Variants in ODR4 observed in about 807,000 individuals in gnomAD.
ODR4 encodes the protein odr-4 GPCR localization factor homolog, also known as protein odr-4 homolog.
A neutral mutation model predicts 60.2 loss-of-function variants in ODR4; 47 were observed. The ratio of observed to expected loss-of-function variants is 0.78; its 90% CI spans 0.62 to 1.00. The LOEUF is 1.00. Ranked by LOEUF, ODR4 falls within the 50% of genes least tolerant of loss-of-function variation. ODR4 has a pLI of 0.00. For missense variants in ODR4, 488 were observed against 530.8 expected (o/e 0.92, Z 0.79); for synonymous variants, 178 against 175.5 (o/e 1.01, Z -0.11).
the ODR4 span, among the ~76,000 whole-genome samples, chr1:186,429,391 G>T: frequency 1.3e-5 from 2 of 152,144 alleles, no homozygotes; most frequent in African/African-American, 4.8e-5. Flanking sequence ...CTTGCTTGAT[G>T]CAGGGTTGTA....
intron 9 of ODR4, among the ~76,000 whole-genome samples, chr1:186,394,601 A>T (rs1303257794): frequency 6.6e-6 from 1 of 152,230 alleles, no homozygotes; most frequent in African/African-American, 2.4e-5. Context: ...TATCCTAAAG[A>T]ACAGACAAGG....
intron 9 of ODR4, among the ~76,000 whole-genome samples, chr1:186,394,450 C>A (rs540982327): frequency 1.2e-4 from 18 of 152,166 alleles, no homozygotes; most frequent in African/African-American, 4.3e-4. Context: ...TATTAATTAG[C>A]AAGTTTTATA....
intron 4 of ODR4, among the ~76,000 whole-genome samples, chr1:186,386,658 A>G (rs1423939357): frequency 2.0e-5 from 3 of 152,210 alleles, no homozygotes; most frequent in Non-Finnish European, 2.9e-5. Flanking sequence ...ATTTCTGACT[A>G]TTAGGAAACA....
intron 1 of ODR4, among the ~76,000 whole-genome samples, chr1:186,378,225 A>G (rs1659867798): frequency 6.6e-6 from 1 of 152,206 alleles, no homozygotes; most frequent in Admixed American, 6.5e-5. Context: ...CTGGTATCAG[A>G]TATACCACCC....
At chr1:186,377,993 C>T (rs7530424) in intron 1 of ODR4, among the ~76,000 whole-genome samples, 2,582 of 151,582 alleles carry the variant, frequency 0.017, 82 homozygotes, top group African/African-American at 0.059. Flanking sequence ...TGCATTGAGC[C>T]GAGATCGCGC....
intron 11 of ODR4, chr1:186,401,015 G>A (rs761202895): frequency 7.0e-6 from 11 of 1,573,264 alleles, no homozygotes; most frequent in Non-Finnish European, 9.5e-6. Context: ...GTATATTATA[G>A]CTGCATTGCA....
intron 4 of ODR4, among the ~76,000 whole-genome samples, chr1:186,387,046 G>A (rs1490960827): frequency 6.6e-6 from 1 of 152,050 alleles, no homozygotes; most frequent in Non-Finnish European, 1.5e-5. Flanking sequence ...CCCAAAAGAG[G>A]GGGAACCTTA....
At chr1:186,412,404 A>G (rs1323727557) in intron 12 of ODR4, among the ~76,000 whole-genome samples, 1 of 152,160 alleles carries the variant, frequency 6.6e-6, no homozygotes, top group Non-Finnish European at 1.5e-5. Context: ...GAATACAAAT[A>G]AAAGTAGCTT....
At chr1:186,423,704 C>T (rs1219185753), downstream of ODR4, among the ~76,000 whole-genome samples, 5 of 151,968 alleles carry the variant, frequency 3.3e-5, no homozygotes, top group East Asian at 9.6e-4. Context: ...ATCTGCCTGC[C>T]TCGGCCTCCT....
intron 2 of ODR4, among the ~76,000 whole-genome samples, chr1:186,380,536 G>A (rs1041974045): frequency 2.0e-5 from 3 of 149,544 alleles, no homozygotes; most frequent in African/African-American, 7.5e-5. Flanking sequence ...AAGGAAGAAC[G>A]TGTTAATCGG....
intron 13 of ODR4, among the ~76,000 whole-genome samples, chr1:186,418,784 GATA>G (rs978793098): frequency 3.3e-5 from 5 of 152,202 alleles, no homozygotes; most frequent in Non-Finnish European, 7.3e-5. Flanking sequence ...GTGCAAGAGA[GATA>G]CTTTGTCCAA....
downstream of ODR4, among the ~76,000 whole-genome samples, chr1:186,424,984 A>C (rs1219618960): frequency 3.3e-5 from 5 of 150,612 alleles, no homozygotes; most frequent in African/African-American, 7.5e-5. Context: ...AAAAAAAAAA[A>C]AACCCCTTTT....
chr1:186,379,685 C>G (rs1571656404), intron 1 of ODR4, 82 bp from the exon 2 acceptor site: 5 of 712,916 alleles, frequency 7.0e-6, no homozygotes, highest in African/African-American at 5.4e-5. Flanking sequence ...AGTATCACTT[C>G]TCTTGCTAAA....
intron 9 of ODR4, among the ~76,000 whole-genome samples, chr1:186,395,576 A>G (rs1017914096): frequency 2.6e-5 from 4 of 152,106 alleles, no homozygotes; most frequent in African/African-American, 9.7e-5. Flanking sequence ...TTTATTTTCC[A>G]TACAGTCCTG....
At chr1:186,402,671 T>C (rs911819659) in intron 11 of ODR4, among the ~76,000 whole-genome samples, 1 of 152,076 alleles carries the variant, frequency 6.6e-6, no homozygotes, top group Non-Finnish European at 1.5e-5. Context: ...AAATACAGCT[T>C]TGAACTCCTG....
At chr1:186,416,108 A>G (rs909533363) in intron 12 of ODR4, among the ~76,000 whole-genome samples, 1 of 152,164 alleles carries the variant, frequency 6.6e-6, no homozygotes, top group African/African-American at 2.4e-5. Flanking sequence ...AATATGAAAA[A>G]CAGATTTTTA....
chr1:186,378,110 C>T (rs1659863748), intron 1 of ODR4, among the ~76,000 whole-genome samples: 1 of 151,980 alleles, frequency 6.6e-6, no homozygotes. Context: ...TGAACAAGCT[C>T]ATTGAAACAA....
At chr1:186,396,778 CACATAT>C (rs1353634968) in intron 9 of ODR4, among the ~76,000 whole-genome samples, 32 of 149,476 alleles carry the variant, frequency 2.1e-4, no homozygotes, top group Non-Finnish European at 4.3e-4. Context: ...TACACACATA[CACATAT>C]ATTTACATAT....
At chr1:186,398,108 T>C (rs1158966066) in intron 9 of ODR4, among the ~76,000 whole-genome samples, 5 of 152,210 alleles carry the variant, frequency 3.3e-5, no homozygotes, top group Non-Finnish European at 4.4e-5. Context: ...TTAATTTCAT[T>C]ATATCTTCAA....
Sources: allele counts gnomAD v4.1 joint callset (sites outside exome capture counted in the v4.1 genomes callset), GRCh38; gene constraint gnomAD v4.1.1; transcripts MANE v1.5; gene names NCBI Gene and HGNC (gene_info 2026-07-23, HGNC 2026-07-21).